The following RIT2 variants were observed in gnomAD, a reference collection of about 807,000 sequenced individuals.
RIT2 encodes GTP-binding protein Rit2.
Under a neutral mutation model 23.7 loss-of-function variants are expected in RIT2, and 24 were observed. The ratio of observed to expected loss-of-function variants is 1.01; its 90% confidence interval spans 0.73 to 1.43. The LOEUF (loss-of-function observed/expected upper bound fraction) is 1.43. Ranked by LOEUF, RIT2 falls within the 40% of genes most tolerant of loss-of-function variation. RIT2 has a pLI of 0.00. For missense variants in RIT2, 236 were observed against 266.9 expected, an observed-to-expected ratio of 0.88 and a Z score of 0.81; for synonymous variants, 107 against 91.1, an observed-to-expected ratio of 1.17 and a Z score of -0.99.
intron 4 of RIT2, among the ~76,000 whole-genome samples, chr18:42,857,598 C>G (rs1402181802): frequency 6.6e-6 from 1 of 152,186 alleles, no homozygotes; most frequent in Non-Finnish European, 1.5e-5. Context: ...CTGCTGGTGT[C>G]ATTTACAACT....
intron 2 of RIT2, among the ~76,000 whole-genome samples, chr18:42,976,121 A>G (rs1307365122): frequency 2.6e-5 from 4 of 151,938 alleles, no homozygotes; most frequent in South Asian, 4.1e-4. Context: ...GTTTTATTCC[A>G]TTGTGATTGG....
intron 2 of RIT2, among the ~76,000 whole-genome samples, chr18:42,974,823 T>G (rs889166254): frequency 1.2e-4 from 18 of 152,026 alleles, no homozygotes; most frequent in Non-Finnish European, 2.5e-4. Flanking sequence ...TCAAAATTAA[T>G]GAAATACTTA....
intron 4 of RIT2, among the ~76,000 whole-genome samples, chr18:42,762,559 A>G (rs1057199264): frequency 2.0e-5 from 3 of 152,214 alleles, no homozygotes; most frequent in African/African-American, 7.2e-5. Context: ...CTCTGATTGG[A>G]TAAGAGTAGA....
At position 42,916,513 on chromosome 18, in the gene RIT2, G is replaced by A. The variant is rs570777742; in HGVS notation, c.426+7059C>T. Among the ~76,000 whole-genome samples, 61 of 152,134 alleles carry A rather than the reference G, an allele frequency of 4.0e-4. No homozygotes were observed. In the South Asian group the frequency reaches 0.011, roughly 28 times the overall value. On this transcript the variant is annotated intron_variant, in intron 4 of 4. Transcript: ENST00000326695. ...ATTTAATTTTGCAAAATCCATGTGC[G>A]GAAGCCTATATCAGAAAGCTCCCTG...
At chr18:43,082,402 A>G (rs1407850817) in intron 1 of RIT2, among the ~76,000 whole-genome samples, 1 of 152,142 alleles carries the variant, frequency 6.6e-6, no homozygotes, top group Non-Finnish European at 1.5e-5. Flanking sequence ...TCCTGATACC[A>G]AAACCTAGCA....
At chr18:42,845,673 TTAAA>T (rs1360838583) in intron 4 of RIT2, among the ~76,000 whole-genome samples, 2 of 149,932 alleles carry the variant, frequency 1.3e-5, no homozygotes, top group African/African-American at 2.4e-5. Context: ...ATATTAAATA[TTAAA>T]TAAATATTGT....
intron 3 of RIT2, among the ~76,000 whole-genome samples, chr18:42,967,474 A>G (rs2144195019): frequency 6.8e-6 from 1 of 146,954 alleles, no homozygotes; most frequent in East Asian, 2.0e-4. Flanking sequence ...GGTTCATGCC[A>G]TTCTCCTCCC....
At chr18:42,949,330 G>A (rs957756275) in intron 3 of RIT2, among the ~76,000 whole-genome samples, 1 of 152,070 alleles carries the variant, frequency 6.6e-6, no homozygotes. Context: ...TGGGAATAGG[G>A]CATTGCAATG....
In RIT2 at chr18:42,937,158, T is replaced by C. The variant is rs190204445; in HGVS notation, c.235-13395A>G. On this transcript the variant is annotated intron_variant, in intron 3 of 4. Transcript: ENST00000326695. Reference sequence around the variant, plus strand: ...ATCAATGCCTTTCCAGTATCACCAATGTGAAGATTAAATAACACAATGTGT... The same window carrying C: ...ATCAATGCCTTTCCAGTATCACCAACGTGAAGATTAAATAACACAATGTGT... Among the ~76,000 whole-genome samples the C allele has an allele frequency of 4.9e-4, 74 of 152,296 alleles. No individual in the cohort carries two copies. In the Middle Eastern group the frequency reaches 0.01, roughly 21 times the overall value.
intron 2 of RIT2, among the ~76,000 whole-genome samples, chr18:42,974,910 A>C (rs974512154): frequency 2.6e-5 from 4 of 152,126 alleles, no homozygotes; most frequent in African/African-American, 9.6e-5. Flanking sequence ...AAGGCACAAA[A>C]TATTGAAAGA....
At chr18:42,940,051 C>A (rs1164287604) in intron 3 of RIT2, among the ~76,000 whole-genome samples, 1 of 151,578 alleles carries the variant, frequency 6.6e-6, no homozygotes, top group Non-Finnish European at 1.5e-5. Flanking sequence ...TGTTTTAATG[C>A]AGCCAAAGCC....
At chr18:42,761,990 A>C (rs924349178) in intron 4 of RIT2, among the ~76,000 whole-genome samples, 3 of 152,236 alleles carry the variant, frequency 2.0e-5, no homozygotes, top group Admixed American at 6.5e-5. Context: ...TGCCTGGTAG[A>C]GATGTAAGCC....
intron 4 of RIT2, among the ~76,000 whole-genome samples, chr18:42,895,090 T>C (rs1908288097): frequency 6.6e-6 from 1 of 152,226 alleles, no homozygotes; most frequent in Non-Finnish European, 1.5e-5. Context: ...TGATAAGAAA[T>C]TAATTAAACT....
rs993924898 is a variant in RIT2, at chr18:43,010,191, C to A, written c.160+23620G>T. Among the ~76,000 whole-genome samples the A allele has an allele frequency of 7.9e-5, 12 of 151,776 alleles. 1 individual carries two copies. Among genetic ancestry groups the A allele is most frequent in the Admixed American group, 7.2e-4 (11 of 15,202 alleles). ...GTACTCCACAGTCTTCATCCTCAGCCTCTGAAGAAAACACTGCAGGTTTGT... is the reference window on the plus strand; with the variant it reads ...GTACTCCACAGTCTTCATCCTCAGCATCTGAAGAAAACACTGCAGGTTTGT... On this transcript the variant is annotated intron_variant, in intron 2 of 4. Transcript: ENST00000326695.
At chr18:42,963,366 C>T (rs1283047505) in intron 3 of RIT2, among the ~76,000 whole-genome samples, 1 of 152,152 alleles carries the variant, frequency 6.6e-6, no homozygotes, top group African/African-American at 2.4e-5. Context: ...GAACATCCAT[C>T]ATATCTGGAA....
chr18:43,095,982 AC>A (rs1885157312), intron 1 of RIT2, among the ~76,000 whole-genome samples: 1 of 151,984 alleles, frequency 6.6e-6, no homozygotes, highest in East Asian at 1.9e-4. Context: ...TAATGTCTAC[AC>A]TTACAGTAAT....
intron 4 of RIT2, among the ~76,000 whole-genome samples, chr18:42,784,652 C>A (rs533362419): frequency 4.7e-4 from 71 of 152,208 alleles, no homozygotes; most frequent in Admixed American, 1.5e-3. Flanking sequence ...TTCACACCAA[C>A]TGCAATGTTT....
intron 4 of RIT2, among the ~76,000 whole-genome samples, chr18:42,763,258 C>T (rs1913344002): frequency 6.6e-6 from 1 of 152,086 alleles, no homozygotes; most frequent in Admixed American, 6.6e-5. Flanking sequence ...GTCAAGAGAT[C>T]GAGACCATCC....
intron 4 of RIT2, among the ~76,000 whole-genome samples, chr18:42,920,304 G>C (rs918335630): frequency 1.3e-5 from 2 of 152,084 alleles, no homozygotes. Flanking sequence ...GAATACACTG[G>C]GTTTTGTCTC....
Sources: allele counts gnomAD v4.1 joint callset (sites outside exome capture counted in the v4.1 genomes callset), GRCh38; gene constraint gnomAD v4.1.1; transcripts MANE v1.5; gene names NCBI Gene and HGNC (gene_info 2026-07-23, HGNC 2026-07-21).